Variants in SHISA9 observed in about 807,000 individuals in gnomAD.
SHISA9 encodes shisa family member 9.
Under a neutral mutation model 38.0 loss-of-function variants are expected in SHISA9, and 13 were observed. The ratio of observed to expected loss-of-function variants is 0.34; its 90% confidence interval spans 0.22 to 0.54. The LOEUF (loss-of-function observed/expected upper bound fraction) is 0.54. Ranked by LOEUF, SHISA9 falls within the 20% of genes least tolerant of loss-of-function variation. The probability of loss-of-function intolerance (pLI) is 0.91; values close to 1 mark genes in which losing one functional copy is unlikely to be tolerated. For synonymous variants in SHISA9, 275 were observed against 242.0 expected (o/e 1.14, Z -1.27); for missense variants, 538 against 575.8 (o/e 0.93, Z 0.67).
At chr16:13,109,955 A>C (rs9940022) in intron 2 of SHISA9, among the ~76,000 whole-genome samples, 2 of 152,134 alleles carry the variant, frequency 1.3e-5, no homozygotes, top group African/African-American at 2.4e-5. Flanking sequence ...TAATGCTGCT[A>C]TGAATACTCA....
chr16:13,135,699 A>G (rs1206787359), intron 2 of SHISA9, among the ~76,000 whole-genome samples: 2 of 152,196 alleles, frequency 1.3e-5, no homozygotes, highest in African/African-American at 2.4e-5. Context: ...TGACCTTATT[A>G]TAATAGTAAT....
At chr16:12,929,976 G>A (rs1455292233) in intron 2 of SHISA9, among the ~76,000 whole-genome samples, 6 of 152,088 alleles carry the variant, frequency 3.9e-5, no homozygotes, top group Non-Finnish European at 8.8e-5. Context: ...CTTACCTACA[G>A]AAAATATCCC....
the SHISA9 span, among the ~76,000 whole-genome samples, chr16:13,542,929 G>C: frequency 3.9e-5 from 6 of 152,200 alleles, no homozygotes; most frequent in African/African-American, 7.2e-5. Context: ...GCCGTGAACA[G>C]TATTGGGTTT....
At chr16:13,180,137 T>A (rs1704345047) in intron 2 of SHISA9, among the ~76,000 whole-genome samples, 1 of 152,260 alleles carries the variant, frequency 6.6e-6, no homozygotes, top group Admixed American at 6.5e-5. Context: ...GTGGAACATT[T>A]GTTCAATGAA....
At chr16:12,958,836 CT>C (rs1489075632) in intron 2 of SHISA9, among the ~76,000 whole-genome samples, 2 of 152,110 alleles carry the variant, frequency 1.3e-5, no homozygotes, top group African/African-American at 4.8e-5. Flanking sequence ...GGCAATAATG[CT>C]GCATAACAAA....
chr16:13,333,147 G>A, the SHISA9 span, among the ~76,000 whole-genome samples: 1 of 152,322 alleles, frequency 6.6e-6, no homozygotes, highest in Admixed American at 6.5e-5. Context: ...TGGGGTTGAA[G>A]TTGTCAGTGC....
the SHISA9 span, among the ~76,000 whole-genome samples, chr16:13,343,388 C>T: frequency 6.6e-5 from 10 of 151,988 alleles, no homozygotes; most frequent in South Asian, 2.1e-3. Context: ...TTCTTTTTCT[C>T]TCTAGTACCA....
At chr16:13,104,903 A>T (rs1197507077) in intron 2 of SHISA9, among the ~76,000 whole-genome samples, 2 of 152,154 alleles carry the variant, frequency 1.3e-5, no homozygotes, top group African/African-American at 4.8e-5. Flanking sequence ...ATTCTGACAG[A>T]CCTTAATTGC....
the SHISA9 span, among the ~76,000 whole-genome samples, chr16:13,358,072 G>C: frequency 6.6e-6 from 1 of 152,178 alleles, no homozygotes; most frequent in African/African-American, 2.4e-5. Context: ...GTATGCCTCT[G>C]TGATGGGTAC....
intron 2 of SHISA9, among the ~76,000 whole-genome samples, chr16:12,931,889 C>A (rs1297483184): frequency 6.6e-6 from 1 of 152,166 alleles, no homozygotes; most frequent in Admixed American, 6.5e-5. Flanking sequence ...TGTCCCCACC[C>A]AAATCTCATC....
At chr16:13,154,884 GT>G (rs2050530436) in intron 2 of SHISA9, among the ~76,000 whole-genome samples, 1 of 152,194 alleles carries the variant, frequency 6.6e-6, no homozygotes, top group Non-Finnish European at 1.5e-5. Flanking sequence ...TTTTGTCAGG[GT>G]TGTTTCTGCC....
intron 2 of SHISA9, among the ~76,000 whole-genome samples, chr16:12,968,852 A>G (rs2072016046): frequency 6.6e-6 from 1 of 152,148 alleles, no homozygotes; most frequent in Non-Finnish European, 1.5e-5. Flanking sequence ...GCTGTGTTCC[A>G]ATAGAATTTT....
At chr16:12,909,051 T>G (rs563844330) in intron 1 of SHISA9, 10 of 997,510 alleles carry the variant, frequency 1.0e-5, no homozygotes, top group Non-Finnish European at 1.2e-5. Context: ...CTCTCATCTT[T>G]CTATGCATTT....
chr16:13,423,147 C>T, the SHISA9 span, among the ~76,000 whole-genome samples: 2 of 152,184 alleles, frequency 1.3e-5, no homozygotes, highest in Non-Finnish European at 2.9e-5. Context: ...TTGATCTGGG[C>T]ATCTTCTCTG....
At chr16:13,499,370 A>G in the SHISA9 span, among the ~76,000 whole-genome samples, 1 of 152,256 alleles carries the variant, frequency 6.6e-6, no homozygotes, top group African/African-American at 2.4e-5. Flanking sequence ...AGATTCTAAA[A>G]GCGGTGCTCT....
chr16:12,946,718 C>T (rs376522357), intron 2 of SHISA9, among the ~76,000 whole-genome samples: 7 of 152,228 alleles, frequency 4.6e-5, no homozygotes, highest in Non-Finnish European at 8.8e-5. Flanking sequence ...AAGAGACATT[C>T]TCAATAGCCA....
chr16:13,188,241 T>A (rs527589005), intron 2 of SHISA9, among the ~76,000 whole-genome samples: 16 of 152,336 alleles, frequency 1.1e-4, no homozygotes, highest in Admixed American at 3.3e-4. Context: ...TCATGCATTT[T>A]TCTTGGAGCA....
the SHISA9 span, among the ~76,000 whole-genome samples, chr16:13,429,999 A>G: frequency 2.6e-5 from 4 of 152,220 alleles, no homozygotes; most frequent in Non-Finnish European, 5.9e-5. Context: ...GTAGGTCCCA[A>G]TACAACGTGA....
the SHISA9 span, among the ~76,000 whole-genome samples, chr16:13,371,898 A>G: frequency 2.0e-5 from 3 of 152,206 alleles, no homozygotes; most frequent in South Asian, 2.1e-4. Context: ...CAGGATTCCA[A>G]CTTGACTTCT....
Sources: allele counts gnomAD v4.1 joint callset (sites outside exome capture counted in the v4.1 genomes callset), GRCh38; gene constraint gnomAD v4.1.1; transcripts MANE v1.5; gene names NCBI Gene and HGNC (gene_info 2026-07-23, HGNC 2026-07-21).